The following CHRNB4 variants were observed in gnomAD, a reference collection of about 807,000 sequenced individuals.
CHRNB4 encodes cholinergic receptor nicotinic beta 4 subunit, also known as neuronal acetylcholine receptor subunit beta-4.
CHRNB4 carries 23 observed loss-of-function variants against 40.4 expected under a neutral mutation model. The ratio of observed to expected loss-of-function variants is 0.57; its 90% confidence interval spans 0.41 to 0.81. The LOEUF (loss-of-function observed/expected upper bound fraction) is 0.81, where lower values mean the gene tolerates loss of function less well. CHRNB4 is among the 30% of genes least tolerant of loss of function. The pLI, the probability that CHRNB4 is intolerant of heterozygous loss-of-function variation, is 0.00. For missense variants in CHRNB4, 568 were observed against 670.6 expected, an observed-to-expected ratio of 0.85 and a Z score of 1.69; for synonymous variants, 285 against 274.4, an observed-to-expected ratio of 1.04 and a Z score of -0.38.
At chr15:78,642,976 C>T (rs1316551992), upstream of CHRNB4, among the ~76,000 whole-genome samples, 1 of 152,150 alleles carries the variant, frequency 6.6e-6, no homozygotes, top group East Asian at 1.9e-4. Flanking sequence ...TTCAGTGTGC[C>T]TTAACTTCCT....
chr15:78,631,269 G>C lies in CHRNB4; in HGVS notation c.249+19C>G. On this transcript the variant is annotated intron_variant, in intron 3 of 5. Transcript: ENST00000261751. Reference sequence around the variant, plus strand: ...TAAAGAAAAGATCTCTGGGGCTCAGGGCCCTTCAGGGCACTTACCTGTTTC... The same window carrying C: ...TAAAGAAAAGATCTCTGGGGCTCAGCGCCCTTCAGGGCACTTACCTGTTTC... 2 of 1,613,930 alleles carry C rather than the reference G, an allele frequency of 1.2e-6. No individual in the cohort carries two copies. The highest frequency in any genetic ancestry group is 1.7e-6 in the Non-Finnish European group (2 of 1,179,836).
At chr15:78,651,290 G>T (rs1028616332) in intron 6 of CHRNB4, among the ~76,000 whole-genome samples, 2 of 152,154 alleles carry the variant, frequency 1.3e-5, no homozygotes, top group African/African-American at 4.8e-5. Context: ...CAAGCAGGGT[G>T]GCAGGCAGAC....
In CHRNB4 at chr15:78,624,159, C is replaced by T. The variant is rs1000699238; in HGVS notation, c.*974G>A. The T allele has an allele frequency of 6.6e-6, 1 of 152,074 alleles. No homozygotes were observed. The highest frequency in any genetic ancestry group is 2.4e-5 in the African/African-American group (1 of 41,372). The allele number at this position is 152,074 out of a possible 1,614,324, so 9.4% of individuals were successfully genotyped here. On this transcript the variant is annotated 3_prime_UTR_variant, in exon 6 of 6. Coordinates refer to ENST00000261751, the MANE Select transcript of CHRNB4 (RefSeq NM_000750.5). ...GCACCTACTGTGTGCCAAGCTCTGT[C>T]CTAGGCCCTGGGGATACTACCACGA...
chr15:78,649,306 GT>G, intron 7 of CHRNB4: 1 of 417,188 alleles, frequency 2.4e-6, no homozygotes, highest in African/African-American at 2.1e-5. Flanking sequence ...AGTCACCCTT[GT>G]GTAGTGAGAA....
At chr15:78,630,032 G>A (rs2053766695) in intron 4 of CHRNB4, 87 bp from the exon 5 acceptor site, 1 of 1,408,778 alleles carries the variant, frequency 7.1e-7, no homozygotes. Context: ...AGCCCTTTGG[G>A]ATTATTTCCC....
intron 5 of CHRNB4, 49 bp from the exon 6 acceptor site, chr15:78,625,340 C>T (rs1421933692): frequency 1.3e-6 from 2 of 1,492,278 alleles, no homozygotes; most frequent in East Asian, 2.3e-5. Flanking sequence ...ACTGGGGTCC[C>T]TCCTTTCCCC....
Position 78,641,066 on chromosome 15 carries a change from GA to G in CHRNB4, c.55+12del, listed in dbSNP as rs747217678. On this transcript the variant is annotated intron_variant, in intron 1 of 5. Coordinates refer to ENST00000261751, the MANE Select transcript of CHRNB4 (RefSeq NM_000750.5). Reference sequence around the variant, plus strand: ...CCCAGGCGCCCCTCCCTCCTTCCCCGAAAAGAACTCACCGCGCCCGCAAAGG... The same window carrying G: ...CCCAGGCGCCCCTCCCTCCTTCCCCGAAAGAACTCACCGCGCCCGCAAAGG... 4 of 1,567,602 alleles carry G rather than the reference GA, an allele frequency of 2.6e-6. No homozygotes were observed. The African/African-American group carries it at 4.1e-5, about 16-fold the overall frequency.
At chr15:78,644,153 ACT>A (rs547046849), upstream of CHRNB4, among the ~76,000 whole-genome samples, 143 of 150,540 alleles carry the variant, frequency 9.5e-4, no homozygotes, top group African/African-American at 3.4e-3. Flanking sequence ...ACAGAGCGAG[ACT>A]CTGTCTCAAA....
Position 78,624,788 on chromosome 15 carries a change from G to A in CHRNB4, c.*345C>T, listed in dbSNP as rs2053612473. On this transcript the variant is annotated 3_prime_UTR_variant, in exon 6 of 6. Transcript: ENST00000261751. ...GAGGAACTGGACAAGGGGAAGTGGAGAGAGATGGTGATGGAGAGGCAGGCC... is the reference window on the plus strand; with the variant it reads ...GAGGAACTGGACAAGGGGAAGTGGAAAGAGATGGTGATGGAGAGGCAGGCC... 1 of 553,632 alleles carries A rather than the reference G, an allele frequency of 1.8e-6. No homozygotes were observed. Among genetic ancestry groups the A allele is most frequent in the East Asian group, 2.9e-5 (1 of 34,946 alleles). 34.3% of individuals were successfully genotyped at this position (553,632 alleles called of 1,614,324 possible).
chr15:78,640,862 C>A (rs936491887), intron 1 of CHRNB4, among the ~76,000 whole-genome samples: 1 of 152,196 alleles, frequency 6.6e-6, no homozygotes, highest in African/African-American at 2.4e-5. Context: ...CGAGAAGAGG[C>A]GGCCCCCACT....
chr15:78,647,695 A>C (rs1322825291), intron 7 of CHRNB4, among the ~76,000 whole-genome samples: 1 of 148,348 alleles, frequency 6.7e-6, no homozygotes, highest in African/African-American at 2.5e-5. Context: ...AAATCCAAAA[A>C]AAAAAAAAAA....
chr15:78,655,940 T>TGATA (rs1354427363), intron 4 of CHRNB4, among the ~76,000 whole-genome samples: 3 of 152,312 alleles, frequency 2.0e-5, no homozygotes, highest in African/African-American at 7.2e-5. Flanking sequence ...TGTAGAGGTT[T>TGATA]GATAGATTTA....
chr15:78,640,985 G>A (rs1345292112), intron 1 of CHRNB4, 94 bp downstream of exon 1: 15 of 1,364,844 alleles, frequency 1.1e-5, no homozygotes, highest in East Asian at 2.7e-5. Flanking sequence ...TCCCCCGGGC[G>A]CAGGGCACCC....
At chr15:78,627,665 A>G (rs1042911666) in intron 5 of CHRNB4, 6 of 152,182 alleles carry the variant, frequency 3.9e-5, no homozygotes, top group African/African-American at 1.4e-4. Context: ...TGAAGGTGTT[A>G]ATATGAGAAC....
At chr15:78,658,384 T>A (rs577577987) in intron 1 of CHRNB4, 46 of 152,246 alleles carry the variant, frequency 3.0e-4, no homozygotes, top group African/African-American at 1.1e-3. Context: ...AACGCAGAGA[T>A]AATAAATGTT....
At chr15:78,634,729 G>A (rs1567123886) in intron 2 of CHRNB4, 1 of 455,882 alleles carries the variant, frequency 2.2e-6, no homozygotes, top group Non-Finnish European at 4.4e-6. Context: ...TCCAGGGACG[G>A]AGTTCTAACC....
upstream of CHRNB4, chr15:78,660,843 G>T (rs747833080): frequency 9.3e-6 from 3 of 323,030 alleles, 1 homozygote; most frequent in South Asian, 9.0e-5. Context: ...TTATCTCAGC[G>T]GTTGCTGTGA....
chr15:78,625,028 A>G lies in CHRNB4; in HGVS notation c.*105T>C. 3.1e-6 allele frequency: 5 copies of G among 1,602,614 alleles called. No individual in the cohort carries two copies. The highest frequency in any genetic ancestry group is 4.2e-6 in the Non-Finnish European group (5 of 1,179,706). On this transcript the variant is annotated 3_prime_UTR_variant, in exon 6 of 6. Transcript: ENST00000261751. ...GCTGGTTTGATGGGGTTGATGGCCA[A>G]TGCTCACATATTTACTTAGGGCCTC...
At chr15:78,659,967 G>A (rs2054239235) in intron 1 of CHRNB4, among the ~76,000 whole-genome samples, 1 of 152,124 alleles carries the variant, frequency 6.6e-6, no homozygotes, top group South Asian at 2.1e-4. Context: ...AGCAGTTTGG[G>A]AGGGTGAGGC....
Sources: gnomAD v4.1 joint callset for allele counts (sites outside exome capture counted in the v4.1 genomes callset) on GRCh38, gnomAD v4.1.1 for gene constraint, MANE v1.5 for transcripts, NCBI Gene and HGNC (gene_info 2026-07-23, HGNC 2026-07-21) for gene names.